AHI1: variants seen among roughly 807,000 people sequenced by gnomAD.
AHI1 encodes Abelson helper integration site 1.
A neutral mutation model predicts 149.3 loss-of-function variants in AHI1; 123 were observed. The ratio of observed to expected loss-of-function variants is 0.82; its 90% CI spans 0.71 to 0.96. The LOEUF is 0.96. AHI1 is among the 40% of genes least tolerant of loss of function. The probability of loss-of-function intolerance (pLI) is 0.00; values close to 1 mark genes in which losing one functional copy is unlikely to be tolerated. For missense variants in AHI1, 1,439 were observed against 1,422.7 expected (o/e 1.01, Z -0.18); for synonymous variants, 475 against 459.8 (o/e 1.03, Z -0.42).
intron 22 of AHI1, among the ~76,000 whole-genome samples, chr6:135,395,101 A>G (rs1215568502): frequency 2.6e-5 from 4 of 152,056 alleles, no homozygotes; most frequent in Admixed American, 6.6e-5. Context: ...ATTAGAACAT[A>G]GCTATATGAA....
intron 26 of AHI1, among the ~76,000 whole-genome samples, chr6:135,303,613 G>C (rs1321833289): frequency 6.6e-6 from 1 of 151,450 alleles, no homozygotes; most frequent in Non-Finnish European, 1.5e-5. Context: ...AAGCATCATA[G>C]CACCATTCTC....
At position 135,428,704 on chromosome 6, in the gene AHI1, TACTATG is replaced by T; in HGVS notation, c.2542_2547del (p.His848_Ser849del). 6.2e-7 allele frequency: 1 copy of T among 1,608,618 alleles called. No homozygotes were observed. Among genetic ancestry groups the T allele is most frequent in the Non-Finnish European group, 8.5e-7 (1 of 1,176,756 alleles). On this transcript the variant is annotated inframe_deletion, in exon 19 of 29. Transcript: ENST00000265602. ...AGAAAAGTCCCACATGGAGTCAAAG[TACTATG>T]AATCTTCTCCCGATAATTTGCTGCT...
rs115582108 is a variant in AHI1 at position 135,341,200 on chromosome 6, C to A, written c.3165+16932G>T. ...ATGGATAAAATAAATAATCCAATTACAAGCTATGTACAAGAACACTTCAGA... is the reference window on the plus strand; with the variant it reads ...ATGGATAAAATAAATAATCCAATTAAAAGCTATGTACAAGAACACTTCAGA... On this transcript the variant is annotated intron_variant, in intron 24 of 28. Transcript: ENST00000265602. Among the ~76,000 whole-genome samples, 1,182 of 152,060 alleles carry A rather than the reference C, an allele frequency of 7.8e-3. 21 individuals carry two copies. Among genetic ancestry groups the A allele is most frequent in the African/African-American group, 0.027 (1,127 of 41,526 alleles).
At chr6:135,287,077 G>A (rs999061241) in intron 28 of AHI1, among the ~76,000 whole-genome samples, 1 of 152,156 alleles carries the variant, frequency 6.6e-6, no homozygotes, top group African/African-American at 2.4e-5. Flanking sequence ...AACAAAGTGA[G>A]AGGAAGAGTT....
At chr6:135,477,658 GCA>G (rs1792906914) in intron 5 of AHI1, among the ~76,000 whole-genome samples, 1 of 151,544 alleles carries the variant, frequency 6.6e-6, no homozygotes, top group African/African-American at 2.4e-5. Flanking sequence ...GTCCTCCTTC[GCA>G]CTCTCTCTCT....
chr6:135,401,108 A>G (rs1360819701), intron 22 of AHI1, among the ~76,000 whole-genome samples: 2 of 152,162 alleles, frequency 1.3e-5, no homozygotes, highest in East Asian at 3.8e-4. Context: ...CTGCTCTTTG[A>G]GCATGCCAGT....
intron 25 of AHI1, among the ~76,000 whole-genome samples, chr6:135,320,453 T>C (rs537453989): frequency 6.6e-6 from 1 of 152,238 alleles, no homozygotes; most frequent in Admixed American, 6.5e-5. Flanking sequence ...TATTAGCTTT[T>C]AAAAAAAATT....
chr6:135,428,756 TA>T lies in AHI1; in HGVS notation c.2495del (p.Leu832Ter), dbSNP rs1410559569. 2 of 1,599,662 alleles carry T rather than the reference TA, an allele frequency of 1.3e-6. No individual in the cohort carries two copies. Among genetic ancestry groups the T allele is most frequent in the South Asian group, 2.3e-5 (2 of 88,554 alleles). On this transcript the variant is annotated frameshift_variant and splice_region_variant, in exon 19 of 29. Coordinates refer to ENST00000265602, the MANE Select transcript of AHI1 (RefSeq NM_001134831.2). LOFTEE classifies it high-confidence loss of function. ...CTGCTCCTACAAACTTCCTTGCTAC[TA>T]ATCTACAAGCAAAAAAGATTTTACA... ...STLRIMDLRILVARKFVGAAN... is the reference protein window; with the variant it reads ...STLRIMDLRIXVARKFVGAAN...
intron 6 of AHI1, 138 bp from the exon 7 acceptor site, chr6:135,466,511 AT>A: frequency 1.3e-6 from 1 of 752,876 alleles, no homozygotes; most frequent in Non-Finnish European, 2.1e-6. Context: ...TAGTGACACT[AT>A]TTTAGAGCAT....
intron 20 of AHI1, among the ~76,000 whole-genome samples, chr6:135,424,462 A>G (rs1234409981): frequency 1.3e-5 from 2 of 152,028 alleles, no homozygotes; most frequent in Admixed American, 1.3e-4. Context: ...CGTTTCTCTG[A>G]CTAGTACTCT....
At chr6:135,446,284 T>TGGAA in intron 13 of AHI1, among the ~76,000 whole-genome samples, 1 of 152,086 alleles carries the variant, frequency 6.6e-6, no homozygotes, top group East Asian at 1.9e-4. Flanking sequence ...GAAATAATTA[T>TGGAA]GGAAGGGTCC....
intron 8 of AHI1, among the ~76,000 whole-genome samples, chr6:135,458,999 C>T (rs1789439551): frequency 6.6e-6 from 1 of 152,028 alleles, no homozygotes. Flanking sequence ...AATAAGTAGA[C>T]CAAAAAAATT....
chr6:135,374,485 G>A (rs1294544154), intron 23 of AHI1, among the ~76,000 whole-genome samples: 2 of 151,842 alleles, frequency 1.3e-5, no homozygotes, highest in Non-Finnish European at 2.9e-5. Flanking sequence ...TGGAAAAGAA[G>A]GTAAACTATG....
intron 23 of AHI1, among the ~76,000 whole-genome samples, chr6:135,385,915 C>G (rs1777511625): frequency 6.6e-6 from 1 of 152,196 alleles, no homozygotes; most frequent in Non-Finnish European, 1.5e-5. Flanking sequence ...ACACATAAGT[C>G]TGAGGCTTTA....
intron 26 of AHI1, among the ~76,000 whole-genome samples, chr6:135,309,820 G>A (rs757302405): frequency 6.6e-6 from 1 of 152,024 alleles, no homozygotes; most frequent in Non-Finnish European, 1.5e-5. Flanking sequence ...TAAGGCTTCA[G>A]GTCAGTTTCA....
rs753594616 is a variant in AHI1, at chr6:135,296,474, T to C, written c.3485+4026A>G. On this transcript the variant is annotated intron_variant, in intron 27 of 28. Transcript: ENST00000265602. ...GTATATAAGGTCTTATTACTGTCTC[T>C]GATTTTATCCAATCTCTCCCAGTTT... 8.9e-4 allele frequency among the ~76,000 whole-genome samples: 136 copies of C among 152,226 alleles called. 3 individuals carry two copies. Among genetic ancestry groups the C allele is most frequent in the Admixed American group, 7.2e-4 (11 of 15,290 alleles).
chr6:135,353,886 G>T (rs1345755732), intron 24 of AHI1, among the ~76,000 whole-genome samples: 2 of 151,964 alleles, frequency 1.3e-5, no homozygotes, highest in Non-Finnish European at 2.9e-5. Context: ...TTTGAAGAAA[G>T]GTAACTGCAG....
chr6:135,432,853 A>C (rs768937404), intron 16 of AHI1, among the ~76,000 whole-genome samples, 174 bp downstream of exon 16: 2 of 152,230 alleles, frequency 1.3e-5, no homozygotes, highest in Non-Finnish European at 2.9e-5. Context: ...TAAAAACTTA[A>C]AAATTACAAA....
intron 21 of AHI1, among the ~76,000 whole-genome samples, chr6:135,406,776 T>C (rs1312639593): frequency 6.6e-6 from 1 of 152,214 alleles, no homozygotes; most frequent in African/African-American, 2.4e-5. Context: ...GATGAGATCT[T>C]GAGTGTTCAG....
Sources: allele counts gnomAD v4.1 joint callset (sites outside exome capture counted in the v4.1 genomes callset), GRCh38; gene constraint gnomAD v4.1.1; transcripts MANE v1.5; gene names NCBI Gene and HGNC (gene_info 2026-07-23, HGNC 2026-07-21).